Variants in SLC39A9 observed in about 807,000 individuals in gnomAD.
SLC39A9 encodes solute carrier family 39 member 9.
Under a neutral mutation model 28.4 loss-of-function variants are expected in SLC39A9, and 14 were observed. The observed-to-expected ratio is 0.49, with a 90% CI of 0.33 to 0.77. The LOEUF is 0.77. SLC39A9 is among the 30% of genes least tolerant of loss of function. The pLI is 0.02. For missense variants in SLC39A9, 283 were observed against 381.1 expected (o/e 0.74, Z 2.14); for synonymous variants, 119 against 149.6 (o/e 0.80, Z 1.49).
chr14:69,459,863 A>G lies in SLC39A9; in HGVS notation c.*1270A>G, dbSNP rs2139464878. 6.1e-6 allele frequency: 6 copies of G among 985,144 alleles called. No homozygotes were observed. Among genetic ancestry groups the G allele is most frequent in the Non-Finnish European group, 7.2e-6 (6 of 829,694 alleles). 61.0% of individuals were successfully genotyped at this position (985,144 alleles called of 1,614,324 possible). On this transcript the variant is annotated 3_prime_UTR_variant, in exon 7 of 7. Transcript: ENST00000336643. Reference sequence around the variant, plus strand: ...TCAGGACAACCACTTCTCGAACTGTAATAATGAAGATAATAATATCTTTAT... The same window carrying G: ...TCAGGACAACCACTTCTCGAACTGTGATAATGAAGATAATAATATCTTTAT...
intron 3 of SLC39A9, among the ~76,000 whole-genome samples, chr14:69,447,413 A>C (rs780305747): frequency 9.2e-5 from 14 of 152,200 alleles, no homozygotes; most frequent in Non-Finnish European, 1.9e-4. Context: ...GGACAGCTAA[A>C]ACTCTGATAG....
intron 1 of SLC39A9, among the ~76,000 whole-genome samples, chr14:69,417,294 G>A (rs1449849391): frequency 6.6e-6 from 1 of 152,128 alleles, no homozygotes; most frequent in Non-Finnish European, 1.5e-5. Flanking sequence ...GATGTGTGGT[G>A]TTATTTCTGA....
chr14:69,443,278 G>C (rs191062277), intron 3 of SLC39A9, among the ~76,000 whole-genome samples: 1 of 152,234 alleles, frequency 6.6e-6, no homozygotes, highest in Non-Finnish European at 1.5e-5. Flanking sequence ...AGCAGCATAA[G>C]TATCTTGGTC....
chr14:69,410,549 G>A (rs1187598957), intron 1 of SLC39A9, among the ~76,000 whole-genome samples: 3 of 152,212 alleles, frequency 2.0e-5, no homozygotes, highest in African/African-American at 7.2e-5. Context: ...TTAGAGCCAG[G>A]AAGCTTTTGG....
intron 6 of SLC39A9, 40 bp downstream of exon 6, chr14:69,455,906 GTGATCTCTTAGAATTTA>G (rs772266364): frequency 1.9e-6 from 3 of 1,595,500 alleles, no homozygotes; most frequent in Non-Finnish European, 1.7e-6. Flanking sequence ...CCAGTGTCTT[GTGATCTCTTAGAATTTA>G]TGATCTCTTA....
At chr14:69,434,455 G>T (rs184016278) in intron 2 of SLC39A9, among the ~76,000 whole-genome samples, 1 of 151,896 alleles carries the variant, frequency 6.6e-6, no homozygotes, top group East Asian at 2.0e-4. Flanking sequence ...GGAAGCTAAG[G>T]CAGCTGGATA....
chr14:69,422,925 A>G (rs561528254), intron 1 of SLC39A9, among the ~76,000 whole-genome samples: 1 of 152,290 alleles, frequency 6.6e-6, no homozygotes, highest in African/African-American at 2.4e-5. Flanking sequence ...TTTGAAACCT[A>G]ATCTTTTTGT....
At chr14:69,439,791 T>C (rs1049213700) in intron 2 of SLC39A9, among the ~76,000 whole-genome samples, 1 of 152,192 alleles carries the variant, frequency 6.6e-6, no homozygotes, top group Non-Finnish European at 1.5e-5. Context: ...CTCTCTCGTC[T>C]TGTGAAATAC....
chr14:69,406,848 GTTTTTT>G (rs398025544), intron 1 of SLC39A9, among the ~76,000 whole-genome samples: 2 of 95,890 alleles, frequency 2.1e-5, no homozygotes, highest in African/African-American at 4.2e-5. Flanking sequence ...GAAATTCTTT[GTTTTTT>G]TTTTTTTTTT....
chr14:69,440,356 G>A (rs973759688), intron 2 of SLC39A9, among the ~76,000 whole-genome samples: 1 of 152,078 alleles, frequency 6.6e-6, no homozygotes, highest in African/African-American at 2.4e-5. Flanking sequence ...GGTCAAGGTG[G>A]GCGGATCACT....
intron 1 of SLC39A9, among the ~76,000 whole-genome samples, chr14:69,410,483 G>A (rs1883205736): frequency 6.6e-6 from 1 of 152,136 alleles, no homozygotes; most frequent in Non-Finnish European, 1.5e-5. Context: ...TTCTTACAGA[G>A]GAGGCCATGA....
intron 1 of SLC39A9, among the ~76,000 whole-genome samples, chr14:69,408,878 A>G (rs751593738): frequency 6.6e-6 from 1 of 151,822 alleles, no homozygotes; most frequent in East Asian, 1.9e-4. Context: ...AGAGGGGAAA[A>G]CATCTCTATG....
At chr14:69,413,986 T>G (rs2140260172) in intron 1 of SLC39A9, among the ~76,000 whole-genome samples, 1 of 152,230 alleles carries the variant, frequency 6.6e-6, no homozygotes, top group South Asian at 2.1e-4. Flanking sequence ...GTCTAAAGAT[T>G]AATAAAAACC....
At position 69,459,292 on chromosome 14, in the gene SLC39A9, G is replaced by A. The variant is rs548317095; in HGVS notation, c.*699G>A. The A allele has an allele frequency of 2.0e-4, 195 of 985,410 alleles. No individual in the cohort carries two copies. The highest frequency in any genetic ancestry group is 5.2e-4 in the Middle Eastern group (1 of 1,914). The allele number at this position is 985,410 out of a possible 1,614,324, so 61.0% of individuals were successfully genotyped here. Reference sequence around the variant, plus strand: ...TCCATCAAATGGAGCAGGAGAGGTGGGAGGAGCTTCTAAAGAGGTGACTGG... The same window carrying A: ...TCCATCAAATGGAGCAGGAGAGGTGAGAGGAGCTTCTAAAGAGGTGACTGG... On this transcript the variant is annotated 3_prime_UTR_variant, in exon 7 of 7. Coordinates refer to ENST00000336643, the MANE Select transcript of SLC39A9 (RefSeq NM_018375.5).
intron 1 of SLC39A9, among the ~76,000 whole-genome samples, chr14:69,415,738 G>C (rs1214416433): frequency 1.3e-5 from 2 of 152,068 alleles, no homozygotes; most frequent in African/African-American, 2.4e-5. Flanking sequence ...TAGATACCTA[G>C]ATCCCTTTCT....
chr14:69,416,558 C>T (rs1883589605), intron 1 of SLC39A9, among the ~76,000 whole-genome samples: 1 of 152,188 alleles, frequency 6.6e-6, no homozygotes, highest in Non-Finnish European at 1.5e-5. Flanking sequence ...CTGTCTTCCA[C>T]AATGGTTGAA....
chr14:69,433,130 T>A (rs867073631), intron 2 of SLC39A9, among the ~76,000 whole-genome samples: 27 of 152,342 alleles, frequency 1.8e-4, no homozygotes, highest in South Asian at 2.1e-4. Context: ...AGTATGGCCA[T>A]TTTAATGATA....
chr14:69,448,480 A>G (rs1885451501), intron 3 of SLC39A9, among the ~76,000 whole-genome samples: 1 of 152,216 alleles, frequency 6.6e-6, no homozygotes. Context: ...CATCATCACC[A>G]TTATAACATT....
At chr14:69,422,274 A>G (rs1883942187) in intron 1 of SLC39A9, among the ~76,000 whole-genome samples, 1 of 152,166 alleles carries the variant, frequency 6.6e-6, no homozygotes, top group Admixed American at 6.5e-5. Flanking sequence ...ATTTTCAAAA[A>G]TGGGGTCTCT....
Sources: gnomAD v4.1 joint callset for allele counts (sites outside exome capture counted in the v4.1 genomes callset) on GRCh38, gnomAD v4.1.1 for gene constraint, MANE v1.5 for transcripts, NCBI Gene and HGNC (gene_info 2026-07-23, HGNC 2026-07-21) for gene names.